The following INPP4B variants were observed in gnomAD, a reference collection of about 807,000 sequenced individuals.
The protein encoded by INPP4B is inositol polyphosphate 4-phosphatase type II.
Under a neutral mutation model 122.5 loss-of-function variants are expected in INPP4B, and 55 were observed. The observed-to-expected ratio is 0.45, with a 90% confidence interval of 0.36 to 0.56. The LOEUF is 0.56. Ranked by LOEUF, INPP4B falls within the 20% of genes least tolerant of loss-of-function variation. The pLI is 0.00. For synonymous variants in INPP4B, 403 were observed against 388.7 expected (o/e 1.04, Z -0.43); for missense variants, 1,000 against 1,097.7 (o/e 0.91, Z 1.26).
chr4:142,184,400 A>C, intron 15 of INPP4B, among the ~76,000 whole-genome samples: 1 of 152,314 alleles, frequency 6.6e-6, no homozygotes, highest in Non-Finnish European at 1.5e-5. Flanking sequence ...TTCAAAGCCT[A>C]TAAGACATTT....
intron 15 of INPP4B, among the ~76,000 whole-genome samples, chr4:142,187,290 C>T (rs186390060): frequency 6.7e-4 from 102 of 151,792 alleles, no homozygotes; most frequent in African/African-American, 2.3e-3. Flanking sequence ...AATTTTGTGA[C>T]AGAGAATGTT....
At chr4:142,093,011 A>C (rs6537101) in intron 23 of INPP4B, among the ~76,000 whole-genome samples, 39,080 of 151,904 alleles carry the variant, frequency 0.26, 5,071 homozygotes, top group East Asian at 0.3. Flanking sequence ...AGAAGTAATG[A>C]TCTGTGGCTT....
chr4:142,468,382 T>C (rs1375747795), intron 2 of INPP4B, among the ~76,000 whole-genome samples: 3 of 152,144 alleles, frequency 2.0e-5, no homozygotes, highest in African/African-American at 7.2e-5. Context: ...AGATACAATT[T>C]AGAAGAGATC....
chr4:142,448,279 C>G (rs905810207), intron 3 of INPP4B, among the ~76,000 whole-genome samples: 2 of 119,890 alleles, frequency 1.7e-5, no homozygotes, highest in African/African-American at 6.6e-5. Context: ...GGTTTCCAAA[C>G]AGTGCTTAGA....
intron 2 of INPP4B, among the ~76,000 whole-genome samples, chr4:142,572,949 CT>C (rs1477985315): frequency 6.6e-6 from 1 of 151,686 alleles, no homozygotes; most frequent in African/African-American, 2.4e-5. Flanking sequence ...CCACAATTAT[CT>C]TGTATGTATT....
chr4:142,247,353 G>T (rs532242341), intron 11 of INPP4B, among the ~76,000 whole-genome samples: 1 of 152,080 alleles, frequency 6.6e-6, no homozygotes, highest in Non-Finnish European at 1.5e-5. Flanking sequence ...GTTTGGAATC[G>T]TTTCAGAAGG....
At chr4:142,820,315 A>G (rs1477838802) in intron 1 of INPP4B, among the ~76,000 whole-genome samples, 3 of 152,032 alleles carry the variant, frequency 2.0e-5, no homozygotes, top group Non-Finnish European at 4.4e-5. Flanking sequence ...TTGCTCTATT[A>G]ATTCCCACAA....
chr4:142,055,981 G>C (rs576508281), intron 25 of INPP4B, among the ~76,000 whole-genome samples: 3 of 151,824 alleles, frequency 2.0e-5, no homozygotes, highest in African/African-American at 7.3e-5. Flanking sequence ...TCACATCTGG[G>C]GGTGATGGGA....
At chr4:142,280,397 G>A (rs989608376) in intron 9 of INPP4B, among the ~76,000 whole-genome samples, 1 of 151,990 alleles carries the variant, frequency 6.6e-6, no homozygotes, top group African/African-American at 2.4e-5. Flanking sequence ...CAACTTGGAT[G>A]AATTGTAAAG....
intron 3 of INPP4B, among the ~76,000 whole-genome samples, chr4:142,457,832 G>A (rs1321730597): frequency 2.0e-5 from 3 of 152,170 alleles, no homozygotes; most frequent in Non-Finnish European, 4.4e-5. Context: ...TTGAGCTCAA[G>A]CAATCCTCCC....
intron 12 of INPP4B, among the ~76,000 whole-genome samples, chr4:142,222,237 G>T (rs1005618508): frequency 2.0e-5 from 3 of 152,202 alleles, no homozygotes; most frequent in Non-Finnish European, 2.9e-5. Context: ...TGGGATTATA[G>T]GCATGAGCCA....
At chr4:142,499,485 C>G (rs1400087807) in intron 2 of INPP4B, among the ~76,000 whole-genome samples, 1 of 152,040 alleles carries the variant, frequency 6.6e-6, no homozygotes, top group African/African-American at 2.4e-5. Flanking sequence ...CTACAGTATG[C>G]CTTATTGGAC....
At chr4:142,174,377 C>T (rs1561376520) in intron 15 of INPP4B, among the ~76,000 whole-genome samples, 1 of 152,020 alleles carries the variant, frequency 6.6e-6, no homozygotes, top group Admixed American at 6.6e-5. Context: ...CATTCAATAC[C>T]TACTACCTAA....
chr4:142,439,982 T>C (rs1006113223), intron 3 of INPP4B, among the ~76,000 whole-genome samples: 4 of 152,218 alleles, frequency 2.6e-5, no homozygotes, highest in African/African-American at 9.6e-5. Context: ...TTTATTACTG[T>C]TTATTTTCTA....
At chr4:142,566,915 T>C (rs1731736766) in intron 2 of INPP4B, among the ~76,000 whole-genome samples, 1 of 152,158 alleles carries the variant, frequency 6.6e-6, no homozygotes, top group Non-Finnish European at 1.5e-5. Context: ...TGAGTTCCAT[T>C]GGGCTTTATA....
intron 2 of INPP4B, among the ~76,000 whole-genome samples, chr4:142,591,052 T>C (rs893201448): frequency 1.2e-4 from 19 of 152,058 alleles, no homozygotes; most frequent in Non-Finnish European, 2.6e-4. Context: ...TGGTGGCTCA[T>C]ACCTGTAATC....
chr4:142,253,529 T>A (rs892384223), intron 11 of INPP4B, among the ~76,000 whole-genome samples: 3 of 152,194 alleles, frequency 2.0e-5, no homozygotes, highest in African/African-American at 4.8e-5. Flanking sequence ...GGGCGAGGCA[T>A]TGCCTCACTC....
chr4:142,512,870 A>G (rs1824921145), intron 2 of INPP4B, among the ~76,000 whole-genome samples: 1 of 152,204 alleles, frequency 6.6e-6, no homozygotes, highest in Admixed American at 6.5e-5. Flanking sequence ...TAGTAAAAGC[A>G]CAAGAGAAAA....
intron 12 of INPP4B, among the ~76,000 whole-genome samples, chr4:142,231,115 T>C (rs1269133840): frequency 6.6e-6 from 1 of 152,192 alleles, no homozygotes; most frequent in Non-Finnish European, 1.5e-5. Flanking sequence ...TCAAATTTAA[T>C]AAAAACAGTT....
Sources: gnomAD v4.1 joint callset for allele counts (sites outside exome capture counted in the v4.1 genomes callset) on GRCh38, gnomAD v4.1.1 for gene constraint, MANE v1.5 for transcripts, NCBI Gene and HGNC (gene_info 2026-07-23, HGNC 2026-07-21) for gene names.